Variants in OSTN observed in about 807,000 individuals in gnomAD.
OSTN encodes the protein osteocrin.
In OSTN, 9 loss-of-function variants were observed where a neutral mutation model predicts 12.0. The observed-to-expected ratio is 0.75, with a 90% CI of 0.45 to 1.30. OSTN has a LOEUF of 1.30. OSTN is among the 50% of genes most tolerant of loss of function. OSTN has a pLI of 0.00. For synonymous variants in OSTN, 59 were observed against 56.9 expected (o/e 1.04, Z -0.16); for missense variants, 148 against 152.3 (o/e 0.97, Z 0.15).
At chr3:191,228,452 T>C (rs1182392220) in intron 3 of OSTN, among the ~76,000 whole-genome samples, 1 of 152,184 alleles carries the variant, frequency 6.6e-6, no homozygotes, top group East Asian at 1.9e-4. Flanking sequence ...CCAAATACAG[T>C]CTAACTCACC....
intron 3 of OSTN, among the ~76,000 whole-genome samples, chr3:191,227,119 T>C: frequency 6.6e-6 from 1 of 150,772 alleles, no homozygotes; most frequent in East Asian, 1.9e-4. Flanking sequence ...AGGGTTACTA[T>C]ATTTAATAAA....
rs542190131 is a variant in OSTN at position 191,210,126 on chromosome 3, C to A, written c.1-2407C>A. On this transcript the variant is annotated intron_variant, in intron 1 of 4. Transcript: ENST00000682035. ...ATGGAAAGCAAAGAGGAAGCAGGCACGTCTTCACATGGCCAGAGCAGGAGG... is the reference window on the plus strand; with the variant it reads ...ATGGAAAGCAAAGAGGAAGCAGGCAAGTCTTCACATGGCCAGAGCAGGAGG... 5.9e-5 allele frequency among the ~76,000 whole-genome samples: 9 copies of A among 152,298 alleles called. No individual in the cohort carries two copies. In the East Asian group the frequency reaches 1.7e-3, roughly 29 times the overall value.
chr3:191,252,248 G>A (rs953768650), intron 4 of OSTN, among the ~76,000 whole-genome samples: 2 of 152,140 alleles, frequency 1.3e-5, no homozygotes, highest in South Asian at 2.1e-4. Context: ...TATATTTTTA[G>A]TAGATATGGG....
chr3:191,203,264 C>T (rs1353860341), intron 1 of OSTN, among the ~76,000 whole-genome samples: 4 of 152,202 alleles, frequency 2.6e-5, no homozygotes, highest in Non-Finnish European at 5.9e-5. Flanking sequence ...GCCAGGCATT[C>T]TGTAAGGTGC....
At chr3:191,255,134 T>C (rs1715643150) in intron 4 of OSTN, among the ~76,000 whole-genome samples, 1 of 152,074 alleles carries the variant, frequency 6.6e-6, no homozygotes, top group Non-Finnish European at 1.5e-5. Context: ...TTAGTTAGAC[T>C]CTCATAAGGA....
At chr3:191,227,703 A>G (rs530877883) in intron 3 of OSTN, among the ~76,000 whole-genome samples, 3 of 152,180 alleles carry the variant, frequency 2.0e-5, no homozygotes, top group Non-Finnish European at 2.9e-5. Flanking sequence ...GGCTTACTGC[A>G]TCCTTTAAGT....
intron 1 of OSTN, among the ~76,000 whole-genome samples, chr3:191,199,772 A>G (rs1445505539): frequency 6.6e-6 from 1 of 152,044 alleles, no homozygotes; most frequent in African/African-American, 2.4e-5. Flanking sequence ...TGTTCTTAAA[A>G]CCTAATGCAT....
At chr3:191,259,276 C>T (rs913866742) in intron 4 of OSTN, among the ~76,000 whole-genome samples, 2 of 151,708 alleles carry the variant, frequency 1.3e-5, no homozygotes, top group South Asian at 4.2e-4. Flanking sequence ...CTCACTGCAA[C>T]CTCCGCCTCC....
intron 4 of OSTN, among the ~76,000 whole-genome samples, chr3:191,259,840 T>C (rs1333720356): frequency 6.7e-6 from 1 of 150,132 alleles, no homozygotes; most frequent in Non-Finnish European, 1.5e-5. Flanking sequence ...TATGACCCTA[T>C]TATGTATCCT....
intron 3 of OSTN, among the ~76,000 whole-genome samples, chr3:191,222,982 C>T (rs1714808257): frequency 6.6e-6 from 1 of 151,862 alleles, no homozygotes; most frequent in Admixed American, 6.6e-5. Context: ...TGAGGCTTCC[C>T]CAGCCCTGTG....
At chr3:191,211,231 A>C (rs1254511415) in intron 1 of OSTN, among the ~76,000 whole-genome samples, 1 of 152,212 alleles carries the variant, frequency 6.6e-6, no homozygotes, top group Admixed American at 6.5e-5. Context: ...AAATGGTATA[A>C]TGTCATGTAT....
intron 3 of OSTN, among the ~76,000 whole-genome samples, chr3:191,236,442 T>C (rs1332392663): frequency 6.6e-6 from 1 of 151,068 alleles, no homozygotes; most frequent in Non-Finnish European, 1.5e-5. Context: ...ATTACAGAAA[T>C]GAAGAAACAA....
intron 4 of OSTN, among the ~76,000 whole-genome samples, chr3:191,252,573 C>T (rs1307113650): frequency 1.3e-5 from 2 of 152,116 alleles, no homozygotes; most frequent in African/African-American, 2.4e-5. Context: ...ACAAAAGAAT[C>T]GATTTAGAAA....
chr3:191,209,344 A>G (rs1714362425), intron 1 of OSTN, among the ~76,000 whole-genome samples: 1 of 152,206 alleles, frequency 6.6e-6, no homozygotes, highest in Non-Finnish European at 1.5e-5. Context: ...TGGTATTTTC[A>G]TCAGATAACT....
chr3:191,218,174 A>G (rs772570838), intron 2 of OSTN, among the ~76,000 whole-genome samples: 22 of 152,204 alleles, frequency 1.4e-4, no homozygotes, highest in Non-Finnish European at 2.8e-4. Context: ...GCTGAAACAG[A>G]ATCTGAAAAA....
At chr3:191,240,847 G>T (rs1303184207) in intron 3 of OSTN, among the ~76,000 whole-genome samples, 3 of 152,234 alleles carry the variant, frequency 2.0e-5, no homozygotes, top group Non-Finnish European at 4.4e-5. Flanking sequence ...GCCAGCTGCC[G>T]CCGGAATAAG....
At chr3:191,206,221 A>T (rs2108588322) in intron 1 of OSTN, among the ~76,000 whole-genome samples, 1 of 152,204 alleles carries the variant, frequency 6.6e-6, no homozygotes, top group South Asian at 2.1e-4. Context: ...TAAACATTTT[A>T]AAATAAATAT....
intron 3 of OSTN, among the ~76,000 whole-genome samples, chr3:191,222,348 C>A (rs1472401228): frequency 2.0e-5 from 3 of 151,854 alleles, no homozygotes; most frequent in African/African-American, 7.2e-5. Flanking sequence ...GAGGGGATGA[C>A]CTGGATGTGA....
At chr3:191,225,365 T>A (rs1248425542) in intron 3 of OSTN, among the ~76,000 whole-genome samples, 1 of 152,180 alleles carries the variant, frequency 6.6e-6, no homozygotes, top group Non-Finnish European at 1.5e-5. Context: ...ATTCAGATAT[T>A]TTCACAGGAG....
Sources: allele counts gnomAD v4.1 joint callset (sites outside exome capture counted in the v4.1 genomes callset), GRCh38; gene constraint gnomAD v4.1.1; transcripts MANE v1.5; gene names NCBI Gene and HGNC (gene_info 2026-07-23, HGNC 2026-07-21).